The following PTPRD variants were observed in gnomAD, a reference collection of about 807,000 sequenced individuals.
PTPRD encodes protein tyrosine phosphatase receptor type D.
Under a neutral mutation model 214.5 loss-of-function variants are expected in PTPRD, and 34 were observed. The ratio of observed to expected loss-of-function variants is 0.16; its 90% CI spans 0.12 to 0.21. The LOEUF is 0.21. Among genes scored for constraint, PTPRD ranks in the 10% least tolerant of loss-of-function variants. PTPRD has a pLI of 1.00. For missense variants in PTPRD, 2,545 were observed against 2,398.7 expected (o/e 1.06, Z -1.27); for synonymous variants, 1,128 against 845.7 (o/e 1.33, Z -5.79).
At chr9:8,930,746 G>A (rs1299608696) in intron 11 of PTPRD, among the ~76,000 whole-genome samples, 2 of 152,150 alleles carry the variant, frequency 1.3e-5, no homozygotes, top group African/African-American at 4.8e-5. Context: ...TCTTTTGGCT[G>A]CATTAATGTC....
chr9:10,508,379 A>T (rs1283373840), intron 2 of PTPRD, among the ~76,000 whole-genome samples: 1 of 152,190 alleles, frequency 6.6e-6, no homozygotes, highest in Non-Finnish European at 1.5e-5. Flanking sequence ...ATTGTGGAAG[A>T]CAGTGCGGCG....
chr9:8,918,390 T>C (rs72706221), intron 11 of PTPRD, among the ~76,000 whole-genome samples: 19,891 of 152,184 alleles, frequency 0.13, 1,499 homozygotes, highest in East Asian at 0.27. Context: ...TTGGAACTTT[T>C]TGTTAGCATG....
intron 12 of PTPRD, among the ~76,000 whole-genome samples, chr9:8,723,725 A>G (rs998484718): frequency 1.3e-5 from 2 of 151,838 alleles, no homozygotes; most frequent in African/African-American, 4.8e-5. Flanking sequence ...TTTTTCTCTC[A>G]CTCCTTTATA....
At chr9:8,691,030 A>T (rs958847138) in intron 12 of PTPRD, among the ~76,000 whole-genome samples, 7 of 152,206 alleles carry the variant, frequency 4.6e-5, no homozygotes, top group East Asian at 3.9e-4. Flanking sequence ...AGAAAAAATT[A>T]TCTTTCTCTC....
intron 2 of PTPRD, among the ~76,000 whole-genome samples, chr9:10,520,793 T>C (rs566459974): frequency 5.3e-5 from 8 of 151,954 alleles, no homozygotes; most frequent in Non-Finnish European, 1.2e-4. Flanking sequence ...GTTCTATAAA[T>C]GGAACAACAA....
At chr9:8,404,699 C>A in intron 35 of PTPRD, 39 bp from the exon 36 acceptor site, 1 of 1,571,562 alleles carries the variant, frequency 6.4e-7, no homozygotes. Context: ...AAAATCAATA[C>A]TGAAAACCAC....
intron 10 of PTPRD, among the ~76,000 whole-genome samples, chr9:9,131,836 G>GTTTTTTTTTTTTTTTTTTTT: frequency 6.6e-6 from 1 of 152,100 alleles, no homozygotes; most frequent in Non-Finnish European, 1.5e-5. Flanking sequence ...AGTAAAATAT[G>GTTTTTTTTTTTTTTTTTTTT]TTTCTTAAAA....
chr9:10,544,584 TAACCAGC>T (rs1260493261), intron 2 of PTPRD, among the ~76,000 whole-genome samples: 1 of 152,190 alleles, frequency 6.6e-6, no homozygotes, highest in Non-Finnish European at 1.5e-5. Context: ...CATCATTTGC[TAACCAGC>T]AACCAGTATT....
At chr9:9,657,899 C>G (rs932776976) in intron 7 of PTPRD, among the ~76,000 whole-genome samples, 1 of 152,118 alleles carries the variant, frequency 6.6e-6, no homozygotes, top group East Asian at 1.9e-4. Flanking sequence ...AGATTTTCCC[C>G]CCGACCTAAA....
intron 7 of PTPRD, among the ~76,000 whole-genome samples, chr9:9,659,762 AGC>A (rs1248367024): frequency 9.2e-5 from 14 of 152,134 alleles, no homozygotes; most frequent in African/African-American, 3.4e-4. Context: ...TCTCATCACA[AGC>A]AAACAAATAT....
At chr9:9,713,161 T>C (rs936494783) in intron 7 of PTPRD, among the ~76,000 whole-genome samples, 8 of 152,198 alleles carry the variant, frequency 5.3e-5, no homozygotes, top group African/African-American at 1.4e-4. Flanking sequence ...AATCACAGTC[T>C]TGCAGCTTAT....
intron 9 of PTPRD, among the ~76,000 whole-genome samples, chr9:9,202,515 G>A (rs554023642): frequency 6.6e-6 from 1 of 152,266 alleles, no homozygotes; most frequent in Non-Finnish European, 1.5e-5. Flanking sequence ...AGATCCAGAT[G>A]TTGAAGAGGC....
chr9:10,162,249 T>C (rs2099131646), intron 3 of PTPRD, among the ~76,000 whole-genome samples: 1 of 151,570 alleles, frequency 6.6e-6, no homozygotes, highest in Non-Finnish European at 1.5e-5. Context: ...ACATTCCTCA[T>C]TTACTGTAGC....
At chr9:9,213,176 T>C (rs1422561806) in intron 9 of PTPRD, among the ~76,000 whole-genome samples, 1 of 152,182 alleles carries the variant, frequency 6.6e-6, no homozygotes, top group African/African-American at 2.4e-5. Flanking sequence ...TGGTTTCAGA[T>C]TCTGTTTCAA....
chr9:9,916,541 G>C (rs2080871405), intron 5 of PTPRD, among the ~76,000 whole-genome samples: 1 of 151,696 alleles, frequency 6.6e-6, no homozygotes, highest in Non-Finnish European at 1.5e-5. Context: ...ATATATACAT[G>C]TATGTATACA....
chr9:8,407,137 G>A (rs1346219414), intron 35 of PTPRD, among the ~76,000 whole-genome samples: 1 of 152,180 alleles, frequency 6.6e-6, no homozygotes, highest in Non-Finnish European at 1.5e-5. Flanking sequence ...ACGAGTAACA[G>A]AAACATGAGT....
intron 3 of PTPRD, among the ~76,000 whole-genome samples, chr9:10,302,711 T>A (rs1462740127): frequency 1.3e-5 from 2 of 152,144 alleles, no homozygotes; most frequent in Non-Finnish European, 2.9e-5. Flanking sequence ...CAAGAAGAGC[T>A]AACTGTCCCA....
chr9:10,412,618 G>T (rs568903750), intron 2 of PTPRD, among the ~76,000 whole-genome samples: 2 of 91,608 alleles, frequency 2.2e-5, no homozygotes, highest in Admixed American at 1.5e-4. Flanking sequence ...ACACACGCAC[G>T]CACACACACA....
At chr9:9,904,307 C>T (rs2077060084) in intron 5 of PTPRD, among the ~76,000 whole-genome samples, 2 of 152,176 alleles carry the variant, frequency 1.3e-5, no homozygotes, top group African/African-American at 4.8e-5. Flanking sequence ...AATTATCTTA[C>T]ACTGACTACC....
Sources: allele counts gnomAD v4.1 joint callset (sites outside exome capture counted in the v4.1 genomes callset), GRCh38; gene constraint gnomAD v4.1.1; transcripts MANE v1.5; gene names NCBI Gene and HGNC (gene_info 2026-07-23, HGNC 2026-07-21).